Variants in XKR4 observed in about 807,000 individuals in gnomAD.
The protein encoded by XKR4 is XK-related protein 4.
A neutral mutation model predicts 53.9 loss-of-function variants in XKR4; 12 were observed. The ratio of observed to expected loss-of-function variants is 0.22; its 90% CI spans 0.14 to 0.36. The LOEUF is 0.36. XKR4 is among the 10% of genes least tolerant of loss of function. The pLI, the probability that XKR4 is intolerant of heterozygous loss-of-function variation, is 1.00. For synonymous variants in XKR4, 354 were observed against 362.4 expected (o/e 0.98, Z 0.26); for missense variants, 799 against 859.5 (o/e 0.93, Z 0.88).
chr8:55,453,808 G>T, intron 2 of XKR4: 1 of 458,198 alleles, frequency 2.2e-6, no homozygotes, highest in South Asian at 1.8e-5. Flanking sequence ...ATTGGGGGTG[G>T]TTCTCATCCA....
chr8:55,309,507 T>C (rs1437571679), intron 1 of XKR4, among the ~76,000 whole-genome samples: 1 of 152,198 alleles, frequency 6.6e-6, no homozygotes, highest in Non-Finnish European at 1.5e-5. Context: ...ACTATAGTGG[T>C]GTATACGTGA....
intron 1 of XKR4, among the ~76,000 whole-genome samples, chr8:55,350,521 A>T (rs1320973391): frequency 6.6e-6 from 1 of 152,150 alleles, no homozygotes; most frequent in Non-Finnish European, 1.5e-5. Context: ...TGAGGACATT[A>T]TGCTAAATTA....
In XKR4 at chr8:55,406,799, A is replaced by G. The variant is rs547070619; in HGVS notation, c.1006+48922A>G. Among the ~76,000 whole-genome samples the G allele has an allele frequency of 4.6e-5, 7 of 152,370 alleles. No individual in the cohort carries two copies. In the East Asian group the frequency reaches 1.3e-3, roughly 29 times the overall value. On this transcript the variant is annotated intron_variant, in intron 2 of 2. Transcript: ENST00000327381. The stretch of plus-strand genomic sequence containing the variant: ...GTTATCTGATGCATATGAATCACTC[A>G]GTGTCTACTATAGGAAAGAGTGAGA...
At chr8:55,319,601 T>C (rs1162355234) in intron 1 of XKR4, among the ~76,000 whole-genome samples, 1 of 152,226 alleles carries the variant, frequency 6.6e-6, no homozygotes, top group East Asian at 1.9e-4. Context: ...GTTGCAATCT[T>C]GTTTCTGGAA....
At chr8:55,441,605 A>G (rs911569975) in intron 2 of XKR4, among the ~76,000 whole-genome samples, 21 of 152,206 alleles carry the variant, frequency 1.4e-4, no homozygotes, top group Non-Finnish European at 1.2e-4. Context: ...CAAATTCTGG[A>G]CCCTAAACCA....
intron 1 of XKR4, among the ~76,000 whole-genome samples, chr8:55,219,941 A>AT (rs1817858635): frequency 6.6e-6 from 1 of 152,120 alleles, no homozygotes; most frequent in Non-Finnish European, 1.5e-5. Context: ...TAGGCAATGG[A>AT]TTTTTTATGG....
At chr8:55,406,770 A>C (rs188415596) in intron 2 of XKR4, among the ~76,000 whole-genome samples, 225 of 152,350 alleles carry the variant, frequency 1.5e-3, no homozygotes, top group Non-Finnish European at 2.6e-3. Flanking sequence ...CAAATGTCTA[A>C]TATGTTATCT....
chr8:55,361,399 GTGC>G (rs1554520234), intron 2 of XKR4, among the ~76,000 whole-genome samples: 2 of 152,146 alleles, frequency 1.3e-5, no homozygotes, highest in Non-Finnish European at 2.9e-5. Context: ...CACATGGAGG[GTGC>G]TGCTCTCTAC....
chr8:55,170,858 G>C (rs1162938420), intron 1 of XKR4, among the ~76,000 whole-genome samples: 1 of 152,156 alleles, frequency 6.6e-6, no homozygotes, highest in East Asian at 1.9e-4. Flanking sequence ...ACTTGGCAAG[G>C]GGTGAGCTGC....
chr8:55,477,578 G>C (rs1478028055), intron 2 of XKR4, among the ~76,000 whole-genome samples: 1 of 152,180 alleles, frequency 6.6e-6, no homozygotes, highest in Non-Finnish European at 1.5e-5. Flanking sequence ...CAAGATGAGA[G>C]AAGAAGGCTT....
At chr8:55,174,653 T>TA (rs1285298054) in intron 1 of XKR4, among the ~76,000 whole-genome samples, 1 of 152,174 alleles carries the variant, frequency 6.6e-6, no homozygotes, top group East Asian at 1.9e-4. Flanking sequence ...GGTACGTAGG[T>TA]AAAGATGGGA....
chr8:55,352,263 T>A (rs982284847), intron 1 of XKR4, among the ~76,000 whole-genome samples: 3 of 152,276 alleles, frequency 2.0e-5, no homozygotes, highest in African/African-American at 4.8e-5. Context: ...TGATAAGGAA[T>A]GTGTAGAGGC....
In XKR4 at chr8:55,280,525, A is replaced by G. The variant is rs183464558; in HGVS notation, c.807-77153A>G. On this transcript the variant is annotated intron_variant, in intron 1 of 2. Coordinates refer to ENST00000327381, the MANE Select transcript of XKR4 (RefSeq NM_052898.2). Reference sequence around the variant, plus strand: ...GTGCATCTATCCCCCTCATCTTTCCATGATGATGAGACCATATAAATAAGA... The same window carrying G: ...GTGCATCTATCCCCCTCATCTTTCCGTGATGATGAGACCATATAAATAAGA... 3.0e-4 allele frequency among the ~76,000 whole-genome samples: 45 copies of G among 152,330 alleles called. No individual in the cohort carries two copies. In the East Asian group the frequency reaches 5.4e-3, roughly 18 times the overall value.
intron 1 of XKR4, among the ~76,000 whole-genome samples, chr8:55,180,779 C>T (rs552019491): frequency 6.6e-5 from 10 of 152,244 alleles, no homozygotes; most frequent in South Asian, 2.1e-4. Flanking sequence ...GTGTTCCACC[C>T]GCCTTGGCCT....
At chr8:55,419,215 T>G (rs1804891919) in intron 2 of XKR4, among the ~76,000 whole-genome samples, 1 of 152,052 alleles carries the variant, frequency 6.6e-6, no homozygotes, top group African/African-American at 2.4e-5. Context: ...TGAAACCCCG[T>G]CTCTACTAAA....
chr8:55,289,769 AAG>A (rs1225378843), intron 1 of XKR4, among the ~76,000 whole-genome samples: 4 of 149,370 alleles, frequency 2.7e-5, no homozygotes, highest in African/African-American at 7.4e-5. Flanking sequence ...GAGAGAAAGA[AAG>A]AGAAAGAGAG....
intron 1 of XKR4, among the ~76,000 whole-genome samples, chr8:55,174,359 GA>G (rs1265794083): frequency 3.3e-5 from 5 of 152,160 alleles, no homozygotes; most frequent in Non-Finnish European, 7.4e-5. Context: ...CCACCTAAAA[GA>G]AGAGTATAGC....
chr8:55,146,469 T>A (rs1816774661), intron 1 of XKR4, among the ~76,000 whole-genome samples: 1 of 152,224 alleles, frequency 6.6e-6, no homozygotes, highest in African/African-American at 2.4e-5. Flanking sequence ...CTGCAGAACT[T>A]TCTGCAGTGA....
chr8:55,254,463 C>G (rs1722983786), intron 1 of XKR4, among the ~76,000 whole-genome samples: 1 of 152,130 alleles, frequency 6.6e-6, no homozygotes, highest in Non-Finnish European at 1.5e-5. Flanking sequence ...AAGTGCTTTT[C>G]TTTTTCTAGG....
Sources: gnomAD v4.1 joint callset for allele counts (sites outside exome capture counted in the v4.1 genomes callset) on GRCh38, gnomAD v4.1.1 for gene constraint, MANE v1.5 for transcripts, NCBI Gene and HGNC (gene_info 2026-07-23, HGNC 2026-07-21) for gene names.